ABCA12: variants seen among roughly 807,000 people sequenced by gnomAD.
ABCA12 encodes ATP binding cassette subfamily A member 12.
In ABCA12, 156 loss-of-function variants were observed where a neutral mutation model predicts 293.5. That is an observed-to-expected ratio of 0.53 (90% CI 0.47 to 0.61). The LOEUF (loss-of-function observed/expected upper bound fraction) is 0.61, where lower values mean the gene tolerates loss of function less well. ABCA12 is among the 20% of genes least tolerant of loss of function. The probability of loss-of-function intolerance (pLI) is 0.00; values close to 1 mark genes in which losing one functional copy is unlikely to be tolerated. For synonymous variants in ABCA12, 1,063 were observed against 1,108.0 expected (o/e 0.96, Z 0.81); for missense variants, 2,797 against 3,090.2 (o/e 0.91, Z 2.25).
At chr2:215,114,722 A>G (rs190059663) in intron 1 of ABCA12, among the ~76,000 whole-genome samples, 33 of 152,334 alleles carry the variant, frequency 2.2e-4, no homozygotes, top group African/African-American at 7.0e-4. Context: ...AAAGATCCTG[A>G]ATACAAGGTA....
chr2:214,959,647 G>C (rs1224512363), intron 39 of ABCA12, among the ~76,000 whole-genome samples: 3 of 152,110 alleles, frequency 2.0e-5, no homozygotes, highest in African/African-American at 4.8e-5. Flanking sequence ...GGGAACTTCA[G>C]CCATACCCGA....
intron 2 of ABCA12, among the ~76,000 whole-genome samples, chr2:215,083,180 C>A (rs773532786): frequency 2.0e-5 from 3 of 152,174 alleles, no homozygotes; most frequent in African/African-American, 4.8e-5. Flanking sequence ...ACTAATAGAT[C>A]TTGTTACTGA....
At chr2:215,076,400 C>T (rs1039721862) in intron 2 of ABCA12, among the ~76,000 whole-genome samples, 95 of 152,210 alleles carry the variant, frequency 6.2e-4, no homozygotes, top group African/African-American at 2.1e-3. Context: ...TTAGTATTTG[C>T]TTTTTCTAAG....
At chr2:215,098,572 G>T (rs1176484099) in intron 2 of ABCA12, among the ~76,000 whole-genome samples, 2 of 152,122 alleles carry the variant, frequency 1.3e-5, no homozygotes, top group African/African-American at 4.8e-5. Context: ...TCACTCATTT[G>T]TTCAACAAAT....
At chr2:215,111,781 A>G (rs908520910) in intron 1 of ABCA12, 91 bp from the exon 2 acceptor site, 2 of 885,152 alleles carry the variant, frequency 2.3e-6, no homozygotes, top group African/African-American at 3.3e-5. Context: ...ATACTATAAT[A>G]TTTCAACACA....
chr2:215,001,105 C>T, intron 21 of ABCA12, 85 bp from the exon 22 acceptor site: 2 of 1,328,404 alleles, frequency 1.5e-6, no homozygotes, highest in Non-Finnish European at 1.1e-6. Context: ...GAGGGGACAG[C>T]CAAACAGTCA....
At chr2:215,092,503 C>T (rs1392906119) in intron 2 of ABCA12, among the ~76,000 whole-genome samples, 2 of 152,074 alleles carry the variant, frequency 1.3e-5, no homozygotes, top group African/African-American at 2.4e-5. Flanking sequence ...CTACTCCCTC[C>T]CTGGCAACCA....
rs200152554 is a variant in ABCA12, at chr2:214,958,500, A to T, written c.5940-46T>A. 2.5e-5 allele frequency: 40 copies of T among 1,591,616 alleles called. No individual in the cohort carries two copies. The East Asian group carries it at 9.1e-4, about 36-fold the overall frequency. ...AGGAAAACACACATAAGTTTTTGAA[A>T]CTCTTTTCCTTTCAGAAAGATTCAT... On this transcript the variant is annotated intron_variant, in intron 40 of 52. Transcript: ENST00000272895.
chr2:215,080,831 T>C (rs1376637409), intron 2 of ABCA12: 1 of 152,868 alleles, frequency 6.5e-6, no homozygotes, highest in African/African-American at 2.4e-5. Flanking sequence ...ATGCTCTATT[T>C]TCCTGCTTGC....
Position 215,018,122 on chromosome 2 carries a change from T to C in ABCA12, c.1668A>G (p.Leu556=). The change falls in exon 14 of 53, where the codon CTA becomes CTG. Residue 556 remains leucine, a synonymous_variant. Transcript: ENST00000272895. ...ADASEKPGQL[L]EMFKNVEELK... Reference sequence around the variant, plus strand: ...GCTCTTCAACATTTTTAAACATTTCTAGTAACTGACCTGCAAGAAGAAAAA... The same window carrying C: ...GCTCTTCAACATTTTTAAACATTTCCAGTAACTGACCTGCAAGAAGAAAAA... The C allele has an allele frequency of 6.2e-7, 1 of 1,613,082 alleles. No individual in the cohort carries two copies. The highest frequency in any genetic ancestry group is 8.5e-7 in the Non-Finnish European group (1 of 1,179,682).
intron 1 of ABCA12, among the ~76,000 whole-genome samples, chr2:215,115,931 G>A (rs1429367310): frequency 6.6e-6 from 1 of 152,164 alleles, no homozygotes; most frequent in Non-Finnish European, 1.5e-5. Flanking sequence ...TCAGTGCAGG[G>A]AGACAGGACA....
chr2:215,122,966 T>C (rs1424879920), intron 1 of ABCA12, among the ~76,000 whole-genome samples: 1 of 152,100 alleles, frequency 6.6e-6, no homozygotes, highest in Non-Finnish European at 1.5e-5. Flanking sequence ...TCCCAGAGTA[T>C]TTTTTCTGTC....
At chr2:214,989,680 G>A in intron 24 of ABCA12, 59 bp from the exon 25 acceptor site, 2 of 1,575,490 alleles carry the variant, frequency 1.3e-6, no homozygotes. Context: ...TTCACCCAGA[G>A]GTATCCTAAA....
rs146454877 is a variant in ABCA12 at position 215,034,105 on chromosome 2, A to T, written c.986-2209T>A. ...CTAAAAATGTAATTTTATATAATGTACTATTTTGCAAAAGAGCAAATTCCA... is the reference window on the plus strand; with the variant it reads ...CTAAAAATGTAATTTTATATAATGTTCTATTTTGCAAAAGAGCAAATTCCA... On this transcript the variant is annotated intron_variant, in intron 8 of 52. Coordinates refer to ENST00000272895, the MANE Select transcript of ABCA12 (RefSeq NM_173076.3). Among the ~76,000 whole-genome samples the T allele has an allele frequency of 4.7e-4, 72 of 152,152 alleles. 2 individuals are homozygous for T. Among genetic ancestry groups the T allele is most frequent in the Admixed American group, 4.7e-3 (72 of 15,282 alleles).
intron 1 of ABCA12, among the ~76,000 whole-genome samples, chr2:215,112,572 T>C (rs929543935): frequency 6.6e-6 from 1 of 151,286 alleles, no homozygotes; most frequent in Non-Finnish European, 1.5e-5. Context: ...GATCTTGGCT[T>C]GCTGCAACCT....
Position 214,986,747 on chromosome 2 carries a change from A to G in ABCA12, c.3977-19T>C, listed in dbSNP as rs1474766304. On this transcript the variant is annotated intron_variant, in intron 27 of 52. Coordinates refer to ENST00000272895, the MANE Select transcript of ABCA12 (RefSeq NM_173076.3). ...TCAGGACCTGGAGAGAAATCAAGGG[A>G]AGAGTTGTAAACTCACAAGTAAGGT... The G allele has an allele frequency of 1.2e-6, 2 of 1,611,392 alleles. No individual in the cohort carries two copies. Among genetic ancestry groups the G allele is most frequent in the African/African-American group, 2.7e-5 (2 of 74,878 alleles).
chr2:215,133,477 A>G (rs1027851174), intron 1 of ABCA12, among the ~76,000 whole-genome samples: 1 of 151,998 alleles, frequency 6.6e-6, no homozygotes, highest in Non-Finnish European at 1.5e-5. Flanking sequence ...ACAAACTCTT[A>G]TATTATCTAG....
intron 1 of ABCA12, among the ~76,000 whole-genome samples, chr2:215,136,934 C>T (rs185204481): frequency 4.9e-4 from 74 of 152,106 alleles, no homozygotes; most frequent in African/African-American, 1.7e-3. Flanking sequence ...CCCCAACTCG[C>T]ATGCTCTGAC....
intron 23 of ABCA12, among the ~76,000 whole-genome samples, chr2:214,995,624 G>A (rs535003685): frequency 3.3e-5 from 5 of 152,220 alleles, no homozygotes; most frequent in East Asian, 3.9e-4. Context: ...TGAGAACTGT[G>A]GGCAGTGGAG....
Sources: allele counts gnomAD v4.1 joint callset (sites outside exome capture counted in the v4.1 genomes callset), GRCh38; gene constraint gnomAD v4.1.1; transcripts MANE v1.5; gene names NCBI Gene and HGNC (gene_info 2026-07-23, HGNC 2026-07-21).